The following METTL8 variants were observed in gnomAD, a reference collection of about 807,000 sequenced individuals.
METTL8 encodes methyltransferase 8, tRNA N3-cytidine, also known as tRNA N(3)-cytidine methyltransferase METTL8, mitochondrial.
Under a neutral mutation model 48.7 loss-of-function variants are expected in METTL8, and 32 were observed. The observed-to-expected ratio is 0.66, with a 90% CI of 0.50 to 0.88. METTL8 has a LOEUF of 0.88. METTL8 is among the 40% of genes least tolerant of loss of function. The pLI, the probability that METTL8 is intolerant of heterozygous loss-of-function variation, is 0.00. For synonymous variants in METTL8, 136 were observed against 157.1 expected (o/e 0.87, Z 1.01); for missense variants, 464 against 474.4 (o/e 0.98, Z 0.20).
intron 5 of METTL8, chr2:171,332,157 A>C (rs774735583): frequency 1.1e-5 from 3 of 272,404 alleles, no homozygotes; most frequent in African/African-American, 4.3e-5. Context: ...AACTGTCAGG[A>C]TTATAGGTGT....
At chr2:171,343,715 T>G (rs762274058) in intron 3 of METTL8, among the ~76,000 whole-genome samples, 1 of 152,190 alleles carries the variant, frequency 6.6e-6, no homozygotes, top group Non-Finnish European at 1.5e-5. Flanking sequence ...CCTCATTTGA[T>G]GAAAGGTTTG....
chr2:171,367,004 A>C (rs1685796388), intron 2 of METTL8, among the ~76,000 whole-genome samples: 1 of 152,152 alleles, frequency 6.6e-6, no homozygotes, highest in African/African-American at 2.4e-5. Context: ...CAGAGACACA[A>C]AGATTGAAAA....
chr2:171,366,575 A>C (rs1436968611), intron 2 of METTL8, among the ~76,000 whole-genome samples: 2 of 152,250 alleles, frequency 1.3e-5, no homozygotes, highest in Admixed American at 1.3e-4. Context: ...ATTAGTACAC[A>C]AGGACTTTAA....
chr2:171,325,993 G>T, intron 8 of METTL8, 49 bp downstream of exon 8: 1 of 1,343,296 alleles, frequency 7.4e-7, no homozygotes, highest in Non-Finnish European at 1.0e-6. Flanking sequence ...TATAAACAAG[G>T]CATTCTTTAG....
chr2:171,422,792 C>T (rs1692004650), intron 1 of METTL8, among the ~76,000 whole-genome samples: 1 of 152,142 alleles, frequency 6.6e-6, no homozygotes, highest in Non-Finnish European at 1.5e-5. Context: ...TTGGCAAAAA[C>T]TTAAGTCTGA....
chr2:171,368,328 C>A (rs980266265), intron 2 of METTL8, among the ~76,000 whole-genome samples: 14 of 152,258 alleles, frequency 9.2e-5, no homozygotes, highest in African/African-American at 2.2e-4. Flanking sequence ...TCATGGAATG[C>A]TATTTTTACT....
At chr2:171,378,448 A>G (rs1053058926) in intron 2 of METTL8, among the ~76,000 whole-genome samples, 11 of 152,156 alleles carry the variant, frequency 7.2e-5, no homozygotes, top group African/African-American at 2.7e-4. Flanking sequence ...CCTGGCCAAC[A>G]TAGTGAAACC....
At chr2:171,360,311 A>AC in intron 3 of METTL8, 111 bp downstream of exon 3, 1 of 787,832 alleles carries the variant, frequency 1.3e-6, no homozygotes, top group Non-Finnish European at 2.0e-6. Context: ...ACCAAATGGA[A>AC]CAAGTGGACT....
intron 3 of METTL8, among the ~76,000 whole-genome samples, chr2:171,343,118 A>G (rs1391356844): frequency 6.6e-6 from 1 of 152,226 alleles, no homozygotes; most frequent in Non-Finnish European, 1.5e-5. Context: ...CAGTTCAAAC[A>G]GGGTAACCTT....
chr2:171,360,154 A>G (rs1488351281), intron 3 of METTL8, among the ~76,000 whole-genome samples: 1 of 152,234 alleles, frequency 6.6e-6, no homozygotes, highest in Non-Finnish European at 1.5e-5. Context: ...AAAGTTTAAA[A>G]TTATGTTTTC....
intron 1 of METTL8, among the ~76,000 whole-genome samples, chr2:171,407,139 A>T (rs1690266789): frequency 6.6e-6 from 1 of 152,178 alleles, no homozygotes; most frequent in Non-Finnish European, 1.5e-5. Context: ...AAAAAATAAT[A>T]GAGAGGGAAG....
At chr2:171,326,185 T>TTGCATCCTTTGGAA (rs745489051) in intron 7 of METTL8, 37 bp from the exon 8 acceptor site, 2 of 1,157,948 alleles carry the variant, frequency 1.7e-6, no homozygotes, top group African/African-American at 1.6e-5. Context: ...ACCCAGTTTG[T>TTGCATCCTTTGGAA]AGAAATCTTG....
intron 3 of METTL8, among the ~76,000 whole-genome samples, chr2:171,356,952 A>ATGTTTTTGTTTTTTTTTTTTTTTT: frequency 8.9e-5 from 7 of 78,468 alleles, no homozygotes; most frequent in Non-Finnish European, 1.4e-4. Flanking sequence ...CAAAGACAAT[A>ATGTTTTTGTTTTTTTTTTTTTTTT]TTTTTTTTTT....
At chr2:171,412,737 AAG>A (rs985763341) in intron 1 of METTL8, among the ~76,000 whole-genome samples, 1 of 152,194 alleles carries the variant, frequency 6.6e-6, no homozygotes, top group African/African-American at 2.4e-5. Flanking sequence ...AAAAAAAAAA[AAG>A]GCAGTTTCAC....
intron 1 of METTL8, among the ~76,000 whole-genome samples, chr2:171,428,614 G>C (rs1692658955): frequency 6.6e-6 from 1 of 152,154 alleles, no homozygotes; most frequent in African/African-American, 2.4e-5. Flanking sequence ...GTGTAAAGCA[G>C]GGAGAATTAT....
Position 171,322,028 on chromosome 2 carries a change from T to C in METTL8, c.*2144A>G, listed in dbSNP as rs999713427. 2 of 151,452 alleles carry C rather than the reference T, an allele frequency of 1.3e-5. No individual in the cohort carries two copies. The highest frequency in any genetic ancestry group is 2.9e-5 in the Non-Finnish European group (2 of 67,920). 9.4% of individuals were successfully genotyped at this position (151,452 alleles called of 1,614,324 possible). ...CCCAGGCTGGAGGGCAGTGGTGTCATCTCGGCTCACTGCAACCTCTGCCTC... is the reference window on the plus strand; with the variant it reads ...CCCAGGCTGGAGGGCAGTGGTGTCACCTCGGCTCACTGCAACCTCTGCCTC... On this transcript the variant is annotated 3_prime_UTR_variant, in exon 10 of 10. Transcript: ENST00000375258.
chr2:171,413,327 T>G (rs1013455590), intron 1 of METTL8, among the ~76,000 whole-genome samples: 2 of 152,198 alleles, frequency 1.3e-5, no homozygotes, highest in African/African-American at 2.4e-5. Flanking sequence ...TGAGATCAGA[T>G]TTCTTCACAT....
In METTL8 at chr2:171,324,156, T is replaced by C. The variant is rs931090893; in HGVS notation, c.*16A>G. The C allele has an allele frequency of 3.0e-5, 46 of 1,531,032 alleles. No homozygotes were observed. The highest frequency in any genetic ancestry group is 4.1e-5 in the Non-Finnish European group (46 of 1,131,940). 94.8% of individuals were successfully genotyped at this position (1,531,032 alleles called of 1,614,324 possible). The stretch of plus-strand genomic sequence containing the variant: ...AGCACAGTCCTCTGGCTTTGTACCT[T>C]AACATGTTACAAAGTTCAGTCTTGT... On this transcript the variant is annotated 3_prime_UTR_variant, in exon 10 of 10. Coordinates refer to ENST00000375258, the MANE Select transcript of METTL8 (RefSeq NM_001321154.2).
chr2:171,389,685 T>A (rs1488412791), intron 2 of METTL8, among the ~76,000 whole-genome samples: 2 of 152,150 alleles, frequency 1.3e-5, no homozygotes, highest in African/African-American at 4.8e-5. Flanking sequence ...AGGCCCTAAC[T>A]TTCTTTGACT....
Sources: gnomAD v4.1 joint callset for allele counts (sites outside exome capture counted in the v4.1 genomes callset) on GRCh38, gnomAD v4.1.1 for gene constraint, MANE v1.5 for transcripts, NCBI Gene and HGNC (gene_info 2026-07-23, HGNC 2026-07-21) for gene names.